NPSR1: variants seen among roughly 807,000 people sequenced by gnomAD.
NPSR1 encodes the protein neuropeptide S receptor 1.
NPSR1 carries 48 observed loss-of-function variants against 46.9 expected under a neutral mutation model. The ratio of observed to expected loss-of-function variants is 1.02; its 90% CI spans 0.81 to 1.30. NPSR1 has a LOEUF of 1.30. Among genes scored for constraint, NPSR1 ranks in the 50% most tolerant of loss-of-function variants. NPSR1 has a pLI of 0.00. For synonymous variants in NPSR1, 176 were observed against 168.1 expected (o/e 1.05, Z -0.36); for missense variants, 450 against 449.5 (o/e 1.00, Z -0.01).
At chr7:34,836,525 G>A (rs1790376893) in intron 6 of NPSR1, among the ~76,000 whole-genome samples, 1 of 151,984 alleles carries the variant, frequency 6.6e-6, no homozygotes, top group African/African-American at 2.4e-5. Flanking sequence ...TTAGATTGTT[G>A]TATCATATGC....
downstream of NPSR1, among the ~76,000 whole-genome samples, chr7:34,852,792 C>A (rs1341510162): frequency 6.6e-6 from 1 of 152,066 alleles, no homozygotes; most frequent in Non-Finnish European, 1.5e-5. Context: ...ACTTCCTGCA[C>A]CAAGATGTCA....
chr7:34,762,867 C>T (rs750526841), intron 2 of NPSR1, among the ~76,000 whole-genome samples: 3 of 152,104 alleles, frequency 2.0e-5, no homozygotes, highest in African/African-American at 7.2e-5. Flanking sequence ...TGTTCATGTA[C>T]GAGTCATCTC....
At chr7:34,781,534 G>A (rs1433388661) in intron 3 of NPSR1, among the ~76,000 whole-genome samples, 2 of 152,164 alleles carry the variant, frequency 1.3e-5, no homozygotes, top group East Asian at 1.9e-4. Context: ...GACACAGAAA[G>A]GACCAACATT....
intron 2 of NPSR1, among the ~76,000 whole-genome samples, chr7:34,706,744 C>A (rs759314017): frequency 3.3e-5 from 5 of 151,944 alleles, no homozygotes; most frequent in Non-Finnish European, 5.9e-5. Context: ...GTTTCTTGAG[C>A]TAAAGTTTTT....
At chr7:34,663,067 CTG>C (rs1425497014) in intron 1 of NPSR1, among the ~76,000 whole-genome samples, 2 of 99,374 alleles carry the variant, frequency 2.0e-5, no homozygotes, top group East Asian at 2.9e-4. Context: ...CTCTCTCTCT[CTG>C]TGTGTGTGTG....
chr7:34,698,370 G>A (rs1184538685), intron 2 of NPSR1, among the ~76,000 whole-genome samples: 6 of 152,018 alleles, frequency 3.9e-5, no homozygotes, highest in African/African-American at 2.4e-5. Context: ...TCCAGGGCAG[G>A]GGTTGCAATC....
chr7:34,853,996 C>T (rs1400316982), downstream of NPSR1, among the ~76,000 whole-genome samples: 1 of 148,584 alleles, frequency 6.7e-6, no homozygotes, highest in Non-Finnish European at 1.5e-5. Flanking sequence ...ACAAAAAAAA[C>T]ATTATTACGC....
At chr7:34,737,571 C>T (rs1309268125) in intron 2 of NPSR1, among the ~76,000 whole-genome samples, 2 of 152,090 alleles carry the variant, frequency 1.3e-5, no homozygotes, top group Non-Finnish European at 2.9e-5. Flanking sequence ...TATTCTAAAC[C>T]GAGGGTCGAT....
rs778392930 is a variant in NPSR1, at chr7:34,878,131, G to A, written c.1081G>A (p.Glu361Lys). The A allele has an allele frequency of 2.5e-6, 4 of 1,610,638 alleles. No homozygotes were observed. The Admixed American group carries it at 5.0e-5, about 20-fold the overall frequency. ...TGCGCTAATGCTCTGCCCTCAACGA[G>A]AGAACTGGAAGGGTACTTGGCCAGG... Residue 361 changes from glutamate (E) to lysine (K), a missense_variant, in exon 9 of 9, where the codon GAG becomes AAG. By Grantham distance (56) the Glu-to-Lys change is moderately conservative. Transcript: ENST00000359791.
intron 2 of NPSR1, among the ~76,000 whole-genome samples, chr7:34,703,160 C>A (rs966415675): frequency 6.6e-6 from 1 of 152,142 alleles, no homozygotes. Flanking sequence ...GAGATCGAGA[C>A]CATCCTGGCT....
At chr7:34,693,006 C>T (rs998638247) in intron 2 of NPSR1, among the ~76,000 whole-genome samples, 2 of 152,098 alleles carry the variant, frequency 1.3e-5, no homozygotes, top group Non-Finnish European at 2.9e-5. Context: ...TAGGACCATC[C>T]CCCTTGGGCA....
chr7:34,669,439 T>C (rs1583770797), intron 1 of NPSR1, among the ~76,000 whole-genome samples: 1 of 152,040 alleles, frequency 6.6e-6, no homozygotes, highest in African/African-American at 2.4e-5. Context: ...GGCAGGTGCC[T>C]GCAGTCCCAG....
intron 5 of NPSR1, among the ~76,000 whole-genome samples, chr7:34,833,675 C>T (rs956019799): frequency 1.3e-5 from 2 of 152,164 alleles, no homozygotes; most frequent in South Asian, 2.1e-4. Context: ...AGAATTTGGC[C>T]GTGGCTTAAC....
chr7:34,703,223 G>T (rs1793928815), intron 2 of NPSR1, among the ~76,000 whole-genome samples: 1 of 152,086 alleles, frequency 6.6e-6, no homozygotes, highest in Non-Finnish European at 1.5e-5. Context: ...GCCAGGCGTG[G>T]TGGCGGGCGC....
chr7:34,792,602 T>C (rs1787937290), intron 3 of NPSR1, among the ~76,000 whole-genome samples: 1 of 132,438 alleles, frequency 7.6e-6, no homozygotes, highest in Non-Finnish European at 1.6e-5. Flanking sequence ...CGTATATATG[T>C]GTGTGTATAT....
At chr7:34,696,057 C>T (rs991503898) in intron 2 of NPSR1, among the ~76,000 whole-genome samples, 1 of 142,888 alleles carries the variant, frequency 7.0e-6, no homozygotes, top group African/African-American at 2.6e-5. Context: ...GAAGCTCAGT[C>T]TCCAGCAATG....
chr7:34,868,915 C>T (rs1485921833), intron 8 of NPSR1, among the ~76,000 whole-genome samples: 1 of 151,728 alleles, frequency 6.6e-6, no homozygotes, highest in Non-Finnish European at 1.5e-5. Context: ...GGGCAACAAA[C>T]TGGCTACTTG....
chr7:34,801,663 C>T (rs1399264201), intron 3 of NPSR1, among the ~76,000 whole-genome samples: 1 of 145,840 alleles, frequency 6.9e-6, no homozygotes, highest in Non-Finnish European at 1.5e-5. Flanking sequence ...TGGCACAAGA[C>T]AGGGATGCCC....
At chr7:34,752,190 A>G (rs1200840644) in intron 2 of NPSR1, 14 of 305,454 alleles carry the variant, frequency 4.6e-5, no homozygotes, top group Non-Finnish European at 6.3e-6. Flanking sequence ...TCATCTAAAG[A>G]TGTAAATGGT....
Sources: gnomAD v4.1 joint callset for allele counts (sites outside exome capture counted in the v4.1 genomes callset) on GRCh38, gnomAD v4.1.1 for gene constraint, MANE v1.5 for transcripts, NCBI Gene and HGNC (gene_info 2026-07-23, HGNC 2026-07-21) for gene names.